Variants in CUX2 observed in about 807,000 individuals in gnomAD.
CUX2 encodes cut like homeobox 2, also known as homeobox protein cut-like 2.
CUX2 carries 40 observed loss-of-function variants against 144.8 expected under a neutral mutation model. That is an observed-to-expected ratio of 0.28 (90% confidence interval 0.21 to 0.36). The LOEUF is 0.36. Among genes scored for constraint, CUX2 ranks in the 10% least tolerant of loss-of-function variants. CUX2 has a pLI of 1.00. For synonymous variants in CUX2, 827 were observed against 875.6 expected, an observed-to-expected ratio of 0.94 and a Z score of 0.98; for missense variants, 1,615 against 1,994.0, an observed-to-expected ratio of 0.81 and a Z score of 3.62.
chr12:111,188,114 C>T (rs1879662533), intron 1 of CUX2, among the ~76,000 whole-genome samples: 1 of 152,244 alleles, frequency 6.6e-6, no homozygotes, highest in Non-Finnish European at 1.5e-5. Context: ...TATGCAAATG[C>T]ATCATTTGGC....
intron 4 of CUX2, among the ~76,000 whole-genome samples, chr12:111,286,587 T>C (rs1203087831): frequency 6.6e-6 from 1 of 151,652 alleles, no homozygotes. Flanking sequence ...ATTAAAAAAT[T>C]AGTGGCCAGG....
At chr12:111,291,625 A>G in intron 5 of CUX2, 73 bp downstream of exon 5, 1 of 1,451,164 alleles carries the variant, frequency 6.9e-7, no homozygotes, top group Non-Finnish European at 9.1e-7. Flanking sequence ...AAACTCAGCC[A>G]GCCTTGTTGC....
chr12:111,134,908 A>G (rs989274708), intron 1 of CUX2, among the ~76,000 whole-genome samples: 1 of 152,180 alleles, frequency 6.6e-6, no homozygotes, highest in African/African-American at 2.4e-5. Flanking sequence ...ATCTAAACAC[A>G]CGGTACATGT....
At chr12:111,122,580 T>C (rs929839704) in intron 1 of CUX2, among the ~76,000 whole-genome samples, 4 of 152,234 alleles carry the variant, frequency 2.6e-5, no homozygotes, top group African/African-American at 7.2e-5. Context: ...TTTGTTGTTA[T>C]GGAAAGCCAT....
At chr12:111,169,396 C>G (rs1400773121) in intron 1 of CUX2, among the ~76,000 whole-genome samples, 1 of 152,190 alleles carries the variant, frequency 6.6e-6, no homozygotes, top group Non-Finnish European at 1.5e-5. Context: ...TTAAACTCCC[C>G]TAGTTGGTGG....
At chr12:111,122,519 C>T (rs1420761133) in intron 1 of CUX2, among the ~76,000 whole-genome samples, 1 of 152,148 alleles carries the variant, frequency 6.6e-6, no homozygotes, top group African/African-American at 2.4e-5. Context: ...AAAGGATTTC[C>T]CTCTCCGAGT....
chr12:111,083,267 G>GGGGCA, intron 1 of CUX2, among the ~76,000 whole-genome samples: 1 of 152,162 alleles, frequency 6.6e-6, no homozygotes, highest in South Asian at 2.1e-4. Flanking sequence ...ACCCAGAACT[G>GGGGCA]GGGCAGGGCA....
At chr12:111,244,985 G>C (rs1019783651) in intron 3 of CUX2, among the ~76,000 whole-genome samples, 1 of 152,112 alleles carries the variant, frequency 6.6e-6, no homozygotes, top group Non-Finnish European at 1.5e-5. Context: ...AGCAATGAAG[G>C]CTGTTGTGGG....
chr12:111,336,424 T>TTGTGTGTGTGTGTGTGTGTGTG (rs57009074), intron 19 of CUX2, among the ~76,000 whole-genome samples: 6 of 146,026 alleles, frequency 4.1e-5, no homozygotes, highest in African/African-American at 1.5e-4. Context: ...CACTTCAGTG[T>TTGTGTGTGTGTGTGTGTGTGTG]TGTGTGTGTG....
At chr12:111,259,031 C>CTATG (rs1351800495) in intron 3 of CUX2, among the ~76,000 whole-genome samples, 6 of 132,218 alleles carry the variant, frequency 4.5e-5, no homozygotes, top group African/African-American at 1.7e-4. Flanking sequence ...CCACACCCAG[C>CTATG]TGTGTGTGTG....
chr12:111,226,818 C>T (rs1409219822), intron 3 of CUX2, among the ~76,000 whole-genome samples: 1 of 152,236 alleles, frequency 6.6e-6, no homozygotes, highest in African/African-American at 2.4e-5. Context: ...GTGGCAGTAA[C>T]ATTCCCGCAC....
chr12:111,212,684 C>CTAG (rs1202544754), intron 1 of CUX2, among the ~76,000 whole-genome samples: 2 of 152,214 alleles, frequency 1.3e-5, no homozygotes, highest in African/African-American at 2.4e-5. Context: ...CCTCTACCTT[C>CTAG]TCCCTTCTAG....
At chr12:111,134,614 C>CTGTG (rs1159711656) in intron 1 of CUX2, among the ~76,000 whole-genome samples, 2 of 144,168 alleles carry the variant, frequency 1.4e-5, no homozygotes, top group African/African-American at 5.8e-5. Flanking sequence ...CTCTCTCTCT[C>CTGTG]TCTCTCTGTG....
At chr12:111,214,157 T>C (rs1881391104) in intron 1 of CUX2, 43 bp from the exon 2 acceptor site, 7 of 1,239,274 alleles carry the variant, frequency 5.6e-6, no homozygotes, top group Non-Finnish European at 7.8e-6. Flanking sequence ...AAAATCTTTT[T>C]CTTTTCTCTC....
intron 10 of CUX2, among the ~76,000 whole-genome samples, chr12:111,306,521 C>T (rs1312748088): frequency 2.6e-5 from 4 of 151,974 alleles, no homozygotes; most frequent in African/African-American, 4.8e-5. Flanking sequence ...TAACGTGGTC[C>T]GTGGCTCCAA....
intron 2 of CUX2, among the ~76,000 whole-genome samples, chr12:111,214,546 G>A (rs1407538586): frequency 1.3e-5 from 2 of 152,144 alleles, no homozygotes; most frequent in South Asian, 2.1e-4. Context: ...TTTTGAGGGC[G>A]CTGTGAAACA....
Position 111,287,350 on chromosome 12 carries a change from C to T in CUX2, c.302-4068C>T, listed in dbSNP as rs907007616. 2.6e-5 allele frequency among the ~76,000 whole-genome samples: 4 copies of T among 152,250 alleles called. No homozygotes were observed. The highest frequency in any genetic ancestry group is 3.2e-3 in the Middle Eastern group (1 of 316). On this transcript the variant is annotated intron_variant, in intron 4 of 21. Coordinates refer to ENST00000261726, the MANE Select transcript of CUX2 (RefSeq NM_015267.4). The surrounding 1 kb of genome is among the most constrained non-coding windows in gnomAD (Gnocchi z 4.2). ...GCCCTCCGTGGCCCTGCGCAGTCCG[C>T]GTGGCACCGCACCGTCTTGTGTTTG...
intron 1 of CUX2, among the ~76,000 whole-genome samples, chr12:111,193,466 G>A (rs1335760239): frequency 6.6e-6 from 1 of 152,148 alleles, no homozygotes; most frequent in Non-Finnish European, 1.5e-5. Flanking sequence ...GATAGCTGTT[G>A]GGGGGGAGAA....
At chr12:111,165,021 A>C (rs1878047684) in intron 1 of CUX2, among the ~76,000 whole-genome samples, 1 of 152,214 alleles carries the variant, frequency 6.6e-6, no homozygotes, top group Non-Finnish European at 1.5e-5. Context: ...CCCTGCGAAT[A>C]GCATTTGAAC....
Sources: gnomAD v4.1 joint callset for allele counts (sites outside exome capture counted in the v4.1 genomes callset) on GRCh38, gnomAD v4.1.1 for gene constraint, Gnocchi (gnomAD v3.1) non-coding constraint, MANE v1.5 for transcripts, NCBI Gene and HGNC (gene_info 2026-07-23, HGNC 2026-07-21) for gene names.